Variants in DAB1 observed in about 807,000 individuals in gnomAD.
DAB1 encodes disabled homolog 1.
DAB1 carries 15 observed loss-of-function variants against 64.6 expected under a neutral mutation model. That is an observed-to-expected ratio of 0.23 (90% CI 0.16 to 0.36). The LOEUF (loss-of-function observed/expected upper bound fraction) is 0.36. Among genes scored for constraint, DAB1 ranks in the 10% least tolerant of loss-of-function variants. The pLI is 1.00. For missense variants in DAB1, 596 were observed against 706.7 expected, an observed-to-expected ratio of 0.84 and a Z score of 1.78; for synonymous variants, 235 against 251.9, an observed-to-expected ratio of 0.93 and a Z score of 0.64.
At chr1:57,908,262 C>A (rs1316060497) in intron 5 of DAB1, among the ~76,000 whole-genome samples, 3 of 152,132 alleles carry the variant, frequency 2.0e-5, no homozygotes, top group Non-Finnish European at 2.9e-5. Context: ...GAGACCTCCA[C>A]CCTCCTGCCT....
At chr1:57,191,442 C>T (rs1266867036) in intron 2 of DAB1, among the ~76,000 whole-genome samples, 2 of 152,186 alleles carry the variant, frequency 1.3e-5, no homozygotes, top group Non-Finnish European at 2.9e-5. Context: ...CCAGCCTTCC[C>T]TTTACCACTG....
intron 5 of DAB1, among the ~76,000 whole-genome samples, chr1:58,143,424 T>C (rs956164491): frequency 5.9e-5 from 9 of 152,178 alleles, no homozygotes; most frequent in African/African-American, 2.2e-4. Flanking sequence ...CAGGTATTCA[T>C]TCCAAATCAG....
chr1:57,072,364 G>A lies in DAB1; in HGVS notation c.357C>T (p.Asp119=). Residue 119 remains aspartate, a synonymous_variant, in exon 5 of 15, where the codon GAC becomes GAT. Coordinates refer to ENST00000371236, the MANE Select transcript of DAB1 (RefSeq NM_001365792.1). The part of the protein sequence containing the change: ...AVHEISYIAK[D]ITDHRAFGYV... ...ATCCAAAGGCCCGGTGATCTGTAATGTCCTTTGCAATGTAGGATATTTCAT... is the reference window on the plus strand; with the variant it reads ...ATCCAAAGGCCCGGTGATCTGTAATATCCTTTGCAATGTAGGATATTTCAT... The A allele has an allele frequency of 6.2e-7, 1 of 1,613,724 alleles. No individual in the cohort carries two copies. The highest frequency in any genetic ancestry group is 8.5e-7 in the Non-Finnish European group (1 of 1,179,736).
At chr1:58,065,244 G>T (rs926011613) in intron 5 of DAB1, among the ~76,000 whole-genome samples, 2 of 152,114 alleles carry the variant, frequency 1.3e-5, no homozygotes, top group East Asian at 3.9e-4. Flanking sequence ...TCACAATCAG[G>T]ATTTGAATCC....
chr1:58,441,230 C>A (rs1645004569), intron 3 of DAB1, among the ~76,000 whole-genome samples: 1 of 152,168 alleles, frequency 6.6e-6, no homozygotes, highest in Non-Finnish European at 1.5e-5. Context: ...GGGATAGATG[C>A]CACGAACTCA....
intron 4 of DAB1, among the ~76,000 whole-genome samples, chr1:58,209,879 C>T (rs192312099): frequency 2.2e-4 from 34 of 151,936 alleles, no homozygotes; most frequent in Middle Eastern, 3.4e-3. Flanking sequence ...AAAAAAAATA[C>T]GTAGTATAAT....
intron 2 of DAB1, among the ~76,000 whole-genome samples, chr1:58,509,508 G>C (rs1646039627): frequency 6.8e-6 from 1 of 147,982 alleles, no homozygotes. Flanking sequence ...GTTCTAAGAG[G>C]ATGGTTTATA....
chr1:57,103,065 G>C (rs998293982), intron 4 of DAB1, among the ~76,000 whole-genome samples: 2 of 152,120 alleles, frequency 1.3e-5, no homozygotes, highest in Non-Finnish European at 2.9e-5. Flanking sequence ...TGGACAAAAT[G>C]GGGCTATTTT....
intron 3 of DAB1, among the ~76,000 whole-genome samples, chr1:58,436,020 G>A (rs934492008): frequency 3.3e-5 from 5 of 152,158 alleles, no homozygotes; most frequent in Non-Finnish European, 7.4e-5. Context: ...CCCAGCACCA[G>A]CCTGTTTAAC....
At chr1:58,426,103 C>T (rs12406121) in intron 3 of DAB1, among the ~76,000 whole-genome samples, 3 of 152,060 alleles carry the variant, frequency 2.0e-5, no homozygotes, top group Non-Finnish European at 1.5e-5. Flanking sequence ...CCTTAATACC[C>T]TTGGGAGTTT....
At chr1:57,117,971 C>T (rs1351146640) in intron 4 of DAB1, among the ~76,000 whole-genome samples, 1 of 152,132 alleles carries the variant, frequency 6.6e-6, no homozygotes, top group Non-Finnish European at 1.5e-5. Flanking sequence ...CATCAGGAGC[C>T]AAAGGCTAAG....
intron 6 of DAB1, among the ~76,000 whole-genome samples, chr1:57,817,611 G>T (rs1271692670): frequency 6.6e-6 from 1 of 152,172 alleles, no homozygotes; most frequent in Non-Finnish European, 1.5e-5. Context: ...TCAATGTCAG[G>T]CAACACTGGC....
chr1:57,762,130 T>G (rs1649115028), intron 6 of DAB1, among the ~76,000 whole-genome samples: 1 of 152,190 alleles, frequency 6.6e-6, no homozygotes, highest in Non-Finnish European at 1.5e-5. Context: ...ATATTCAATA[T>G]TTCACTAATA....
intron 7 of DAB1, among the ~76,000 whole-genome samples, chr1:57,582,239 G>A (rs543750602): frequency 3.5e-4 from 54 of 152,150 alleles, no homozygotes; most frequent in Non-Finnish European, 6.6e-4. Flanking sequence ...ATGTGGCTGC[G>A]GAGGCTTCAC....
chr1:57,900,573 C>T (rs931968057), intron 5 of DAB1, among the ~76,000 whole-genome samples: 2 of 152,178 alleles, frequency 1.3e-5, no homozygotes, highest in Non-Finnish European at 2.9e-5. Flanking sequence ...TAAGGACACA[C>T]TGGTTTCTCT....
intron 1 of DAB1, among the ~76,000 whole-genome samples, chr1:57,868,552 C>G (rs1049865659): frequency 1.3e-5 from 2 of 152,042 alleles, no homozygotes; most frequent in Non-Finnish European, 2.9e-5. Context: ...GGAGAGCTGT[C>G]TTGTGTATTT....
intron 14 of DAB1, among the ~76,000 whole-genome samples, chr1:57,004,940 A>G (rs1030091409): frequency 6.6e-6 from 1 of 152,222 alleles, no homozygotes; most frequent in Non-Finnish European, 1.5e-5. Flanking sequence ...GAGCTCGTAT[A>G]ACATGAAGTA....
chr1:58,038,972 C>T (rs1647090406), intron 5 of DAB1, among the ~76,000 whole-genome samples: 1 of 152,088 alleles, frequency 6.6e-6, no homozygotes, highest in African/African-American at 2.4e-5. Context: ...GCCATCCCAC[C>T]CTCCTTGCCT....
chr1:57,059,558 G>C (rs562120711), intron 9 of DAB1, among the ~76,000 whole-genome samples: 3 of 152,210 alleles, frequency 2.0e-5, no homozygotes, highest in South Asian at 4.2e-4. Context: ...AGAGTACAGA[G>C]GTACTCTAGG....
Sources: allele counts gnomAD v4.1 joint callset (sites outside exome capture counted in the v4.1 genomes callset), GRCh38; gene constraint gnomAD v4.1.1; transcripts MANE v1.5; gene names NCBI Gene and HGNC (gene_info 2026-07-23, HGNC 2026-07-21).